Variants in TRPM3 observed in about 807,000 individuals in gnomAD.
The protein encoded by TRPM3 is long transient receptor potential channel 3.
A neutral mutation model predicts 181.2 loss-of-function variants in TRPM3; 77 were observed. That is an observed-to-expected ratio of 0.42 (90% CI 0.35 to 0.51). The LOEUF (loss-of-function observed/expected upper bound fraction) is 0.51. TRPM3 is among the 20% of genes least tolerant of loss of function. The pLI is 0.01. For missense variants in TRPM3, 1,759 were observed against 2,196.7 expected, an observed-to-expected ratio of 0.80 and a Z score of 3.98; for synonymous variants, 745 against 796.4, an observed-to-expected ratio of 0.94 and a Z score of 1.09.
intron 24 of TRPM3, among the ~76,000 whole-genome samples, chr9:70,551,727 T>C (rs2046499243): frequency 6.6e-6 from 1 of 152,166 alleles, no homozygotes; most frequent in Non-Finnish European, 1.5e-5. Context: ...CATTAGAGCA[T>C]CCCGCTGCCC....
intron 1 of TRPM3, among the ~76,000 whole-genome samples, chr9:70,889,314 G>A (rs2096152505): frequency 6.6e-6 from 1 of 152,226 alleles, no homozygotes; most frequent in South Asian, 2.1e-4. Flanking sequence ...TGATTCTTTT[G>A]AGAAGTTGAA....
intron 1 of TRPM3, among the ~76,000 whole-genome samples, chr9:71,197,284 G>T (rs957452212): frequency 6.6e-6 from 1 of 152,074 alleles, no homozygotes; most frequent in Non-Finnish European, 1.5e-5. Context: ...TGGACATTTC[G>T]CTTGGTTCCA....
intron 1 of TRPM3, among the ~76,000 whole-genome samples, chr9:70,919,267 G>A (rs998163962): frequency 2.3e-4 from 35 of 152,238 alleles, no homozygotes; most frequent in Admixed American, 7.9e-4. Flanking sequence ...CTTTCTAGTT[G>A]AACTTTTCAT....
chr9:70,665,576 A>G (rs1450091372), intron 9 of TRPM3, among the ~76,000 whole-genome samples: 1 of 152,216 alleles, frequency 6.6e-6, no homozygotes, highest in Admixed American at 6.5e-5. Context: ...CAGGTGTCCC[A>G]TGAACGTGTT....
chr9:70,792,055 G>A (rs1244456707), intron 6 of TRPM3, among the ~76,000 whole-genome samples: 2 of 152,184 alleles, frequency 1.3e-5, no homozygotes, highest in African/African-American at 4.8e-5. Flanking sequence ...ACTGTGGCAT[G>A]TGTACTGAAA....
intron 1 of TRPM3, among the ~76,000 whole-genome samples, chr9:70,982,219 A>G (rs1200090186): frequency 6.6e-6 from 1 of 152,222 alleles, no homozygotes; most frequent in Non-Finnish European, 1.5e-5. Flanking sequence ...CTGATATCGT[A>G]TAACAATAAA....
chr9:71,380,980 C>T (rs917885514), intron 1 of TRPM3, among the ~76,000 whole-genome samples: 1 of 149,934 alleles, frequency 6.7e-6, no homozygotes, highest in African/African-American at 2.5e-5. Flanking sequence ...TGGAACCACT[C>T]CTGTATCCAC....
intron 1 of TRPM3, among the ~76,000 whole-genome samples, chr9:71,100,542 G>A (rs1309435765): frequency 1.3e-5 from 2 of 152,034 alleles, no homozygotes; most frequent in African/African-American, 4.8e-5. Context: ...TCACCTGGGA[G>A]GTATATACAA....
intron 1 of TRPM3, among the ~76,000 whole-genome samples, chr9:71,085,504 C>T (rs1192394247): frequency 4.0e-5 from 6 of 151,766 alleles, no homozygotes; most frequent in Admixed American, 3.3e-4. Context: ...AGAAGATACA[C>T]AAGTGACCAT....
intron 1 of TRPM3, among the ~76,000 whole-genome samples, chr9:71,044,121 C>G (rs1286230852): frequency 6.6e-6 from 1 of 152,130 alleles, no homozygotes; most frequent in Admixed American, 6.5e-5. Flanking sequence ...GCATCTGATT[C>G]ATCTCTATGA....
intron 1 of TRPM3, among the ~76,000 whole-genome samples, chr9:70,883,718 T>A (rs1430173550): frequency 2.6e-5 from 4 of 152,198 alleles, no homozygotes; most frequent in Non-Finnish European, 5.9e-5. Flanking sequence ...GATTGAGCAT[T>A]TCATTTGATT....
At chr9:71,365,512 A>G (rs943400228) in intron 1 of TRPM3, among the ~76,000 whole-genome samples, 1 of 152,226 alleles carries the variant, frequency 6.6e-6, no homozygotes, top group Admixed American at 6.5e-5. Context: ...CTGTACAGGT[A>G]GAATAGATAG....
intron 1 of TRPM3, among the ~76,000 whole-genome samples, chr9:71,052,726 T>C (rs986047827): frequency 2.0e-5 from 3 of 151,964 alleles, no homozygotes; most frequent in African/African-American, 7.2e-5. Flanking sequence ...CAGATAACCA[T>C]TCAAAAAACC....
chr9:71,419,793 C>A (rs1456451488), intron 1 of TRPM3, among the ~76,000 whole-genome samples: 1 of 151,800 alleles, frequency 6.6e-6, no homozygotes, highest in Non-Finnish European at 1.5e-5. Flanking sequence ...TGACATAAAT[C>A]ATCTCAATTT....
At chr9:70,878,912 C>T (rs2095925676) in intron 1 of TRPM3, among the ~76,000 whole-genome samples, 1 of 152,026 alleles carries the variant, frequency 6.6e-6, no homozygotes, top group Admixed American at 6.6e-5. Flanking sequence ...GGGAAAACAC[C>T]CTGTGCTGGA....
At chr9:71,124,932 CAG>C (rs972597017), upstream of TRPM3, among the ~76,000 whole-genome samples, 2 of 152,228 alleles carry the variant, frequency 1.3e-5, no homozygotes, top group Non-Finnish European at 2.9e-5. Flanking sequence ...TGTAATTTTT[CAG>C]AGTTTATTAT....
chr9:71,178,969 C>G lies in TRPM3; in HGVS notation c.183+267684G>C, dbSNP rs189166429. Among the ~76,000 whole-genome samples the G allele has an allele frequency of 2.6e-5, 4 of 152,176 alleles. No homozygotes were observed. In the East Asian group the frequency reaches 7.7e-4, roughly 29 times the overall value. On this transcript the variant is annotated intron_variant, in intron 1 of 24. Transcript: ENST00000357533. The stretch of plus-strand genomic sequence containing the variant: ...AGATGCTACAAATTAACTTTTAACT[C>G]AAAATATTTTTAACATTTTAAAGAA...
In TRPM3 at chr9:70,899,548, C is replaced by T. The variant is rs949923592; in HGVS notation, c.178-35037G>A. Among the ~76,000 whole-genome samples the T allele has an allele frequency of 9.9e-5, 15 of 152,220 alleles. 1 individual carries two copies. Among genetic ancestry groups the T allele is most frequent in the Admixed American group, 7.8e-4 (12 of 15,300 alleles). On this transcript the variant is annotated intron_variant, in intron 1 of 25. Transcript: ENST00000677713. Reference sequence around the variant, plus strand: ...GTTTTTTCTTGTGCTGCTTCCTTTGCCTAAATTGCTCTTTTTGTTCCTTCC... The same window carrying T: ...GTTTTTTCTTGTGCTGCTTCCTTTGTCTAAATTGCTCTTTTTGTTCCTTCC...
chr9:71,370,837 A>G (rs1366746582), intron 1 of TRPM3, among the ~76,000 whole-genome samples: 4 of 152,210 alleles, frequency 2.6e-5, no homozygotes, highest in Admixed American at 2.6e-4. Context: ...TCAATTCTTC[A>G]AAGTTTCAAA....
Sources: allele counts gnomAD v4.1 joint callset (sites outside exome capture counted in the v4.1 genomes callset), GRCh38; gene constraint gnomAD v4.1.1; transcripts MANE v1.5; gene names NCBI Gene and HGNC (gene_info 2026-07-23, HGNC 2026-07-21).